Variants in ADGRB1 observed in about 807,000 individuals in gnomAD.
ADGRB1 encodes adhesion G protein-coupled receptor B1.
A neutral mutation model predicts 175.7 loss-of-function variants in ADGRB1; 36 were observed. The ratio of observed to expected loss-of-function variants is 0.20; its 90% confidence interval spans 0.16 to 0.27. ADGRB1 has a LOEUF of 0.27. ADGRB1 is among the 10% of genes least tolerant of loss of function. The pLI is 1.00. For missense variants in ADGRB1, 1,731 were observed against 2,255.3 expected, an observed-to-expected ratio of 0.77 and a Z score of 4.71; for synonymous variants, 1,054 against 979.4, an observed-to-expected ratio of 1.08 and a Z score of -1.42.
At chr8:142,512,416 G>A (rs193293547) in intron 18 of ADGRB1, among the ~76,000 whole-genome samples, 64 of 152,284 alleles carry the variant, frequency 4.2e-4, no homozygotes, top group Admixed American at 9.8e-4. Flanking sequence ...GGGCCCCTTC[G>A]AAGCTGGACC....
chr8:142,518,816 G>A (rs1843598255), intron 19 of ADGRB1, among the ~76,000 whole-genome samples: 2 of 152,238 alleles, frequency 1.3e-5, no homozygotes, highest in Admixed American at 6.5e-5. Flanking sequence ...GTCCCATTGA[G>A]TAGAAGTGTG....
chr8:142,491,763 G>A (rs989827978), intron 17 of ADGRB1, among the ~76,000 whole-genome samples: 1 of 152,210 alleles, frequency 6.6e-6, no homozygotes, highest in East Asian at 1.9e-4. Context: ...CGGGCCGAGT[G>A]TGTGCGGTCA....
intron 17 of ADGRB1, among the ~76,000 whole-genome samples, chr8:142,506,267 G>A (rs1842847950): frequency 6.6e-6 from 1 of 152,190 alleles, no homozygotes; most frequent in Non-Finnish European, 1.5e-5. Context: ...ACCTGTCATG[G>A]GGCCCTATCT....
At chr8:142,452,031 G>C (rs1482480104) in intron 1 of ADGRB1, among the ~76,000 whole-genome samples, 1 of 152,210 alleles carries the variant, frequency 6.6e-6, no homozygotes, top group Non-Finnish European at 1.5e-5. Context: ...CCTTGGAAGG[G>C]GGTGTGCGCA....
At position 142,510,895 on chromosome 8, in the gene ADGRB1, T is replaced by TCCGCCTGTCTCCCTCCCGTGTC. The variant is rs1843064434; in HGVS notation, c.2676-31_2676-10dup. The TCCGCCTGTCTCCCTCCCGTGTC allele has an allele frequency of 2.9e-6, 3 of 1,040,374 alleles. No homozygotes were observed. In the African/African-American group the frequency reaches 5.2e-5, roughly 18 times the overall value. 64.4% of individuals were successfully genotyped at this position (1,040,374 alleles called of 1,614,324 possible). ...CCCGCGTCCCCGCCGCCGCTGACGC[T>TCCGCCTGTCTCCCTCCCGTGTC]CCGCCTGTCTCCCTCCCGTGTCCCG... On this transcript the variant is annotated intron_variant, in intron 17 of 30. Transcript: ENST00000517894. This position sits in a 1 kb window ranked among gnomAD's most constrained non-coding sequence, Gnocchi z 6.3.
chr8:142,469,938 G>T (rs1463151509), intron 2 of ADGRB1, among the ~76,000 whole-genome samples: 1 of 152,224 alleles, frequency 6.6e-6, no homozygotes, highest in Non-Finnish European at 1.5e-5. Context: ...CTCGCTGTGG[G>T]ACCTGGGGAC....
chr8:142,455,792 C>T lies in ADGRB1; in HGVS notation c.-220+5688C>T, dbSNP rs746386385. Among the ~76,000 whole-genome samples the T allele has an allele frequency of 1.5e-4, 23 of 152,128 alleles. No homozygotes were observed. Among genetic ancestry groups the T allele is most frequent in the Non-Finnish European group, 3.1e-4 (21 of 68,018 alleles). ...GCTGGGCACTGGCCTGGGTGCAAGG[C>T]GGGGAAGGAGGCTTCCAAAGCCCAC... On this transcript the variant is annotated intron_variant, in intron 1 of 30. Transcript: ENST00000517894. This position sits in a 1 kb window ranked among gnomAD's most constrained non-coding sequence, Gnocchi z 4.9.
In ADGRB1 at chr8:142,533,296, GCCT is replaced by G; in HGVS notation, c.3403_3405del (p.Ser1135del). 1 of 1,525,550 alleles carries G rather than the reference GCCT, an allele frequency of 6.6e-7. No individual in the cohort carries two copies. The highest frequency in any genetic ancestry group is 1.4e-5 in the African/African-American group (1 of 73,316). 94.5% of individuals were successfully genotyped at this position (1,525,550 alleles called of 1,614,324 possible). The stretch of plus-strand genomic sequence containing the variant: ...AGCGCTGACACCCTCCATCCCCAGG[GCCT>G]CCCTGTGGAGCTCCTGCGTGGTGCT... On this transcript the variant is annotated inframe_deletion and splice_region_variant, in exon 25 of 31. Coordinates refer to ENST00000517894, the MANE Select transcript of ADGRB1 (RefSeq NM_001702.3).
chr8:142,516,195 G>T (rs1843407710), intron 18 of ADGRB1, among the ~76,000 whole-genome samples: 1 of 150,336 alleles, frequency 6.7e-6, no homozygotes. Flanking sequence ...GTGTGTGGGG[G>T]CCCCAGGTGC....
intron 24 of ADGRB1, among the ~76,000 whole-genome samples, chr8:142,528,609 G>A (rs551445630): frequency 2.0e-5 from 3 of 151,968 alleles, no homozygotes; most frequent in East Asian, 1.9e-4. Context: ...CCTCTCTGCC[G>A]CCGATGCCAC....
chr8:142,521,726 A>G (rs1251084658), intron 20 of ADGRB1, among the ~76,000 whole-genome samples: 1 of 152,212 alleles, frequency 6.6e-6, no homozygotes, highest in Non-Finnish European at 1.5e-5. Context: ...GTGGCTATGA[A>G]TGGTGCTGAG....
chr8:142,481,477 C>T lies in ADGRB1; in HGVS notation c.1936-40C>T, dbSNP rs917926631. 2.5e-6 allele frequency: 4 copies of T among 1,575,414 alleles called. No individual in the cohort carries two copies. The Admixed American group carries it at 5.4e-5, about 21-fold the overall frequency. The stretch of plus-strand genomic sequence containing the variant: ...TCCTGGGTGGCTGCCTGGACATGTT[C>T]CACAGAGGTGAAGGCACCCGCCCTC... On this transcript the variant is annotated intron_variant, in intron 10 of 30. Transcript: ENST00000517894.
intron 24 of ADGRB1, 133 bp from the exon 25 acceptor site, chr8:142,533,162 G>A (rs1563748571): frequency 9.6e-7 from 1 of 1,043,588 alleles, no homozygotes; most frequent in Non-Finnish European, 1.3e-6. Flanking sequence ...AGGGCTGCTT[G>A]GCCCAGGCCC....
intron 1 of ADGRB1, among the ~76,000 whole-genome samples, chr8:142,451,773 G>A (rs1206717428): frequency 1.3e-5 from 2 of 152,122 alleles, no homozygotes; most frequent in Non-Finnish European, 2.9e-5. Context: ...GGTGGTATAC[G>A]GTGTGTGGGG....
intron 2 of ADGRB1, among the ~76,000 whole-genome samples, chr8:142,469,008 C>G (rs533040348): frequency 1.3e-5 from 2 of 152,350 alleles, no homozygotes; most frequent in East Asian, 1.9e-4. Context: ...CAGGCACAGA[C>G]ATGTTAAGGC....
intron 18 of ADGRB1, among the ~76,000 whole-genome samples, chr8:142,515,580 G>A (rs974548948): frequency 2.0e-5 from 3 of 152,228 alleles, no homozygotes; most frequent in East Asian, 1.9e-4. Flanking sequence ...GACCTTTGTG[G>A]CCAGCCGGCC....
chr8:142,459,949 G>A (rs1839888200), intron 1 of ADGRB1, among the ~76,000 whole-genome samples: 2 of 152,210 alleles, frequency 1.3e-5, no homozygotes, highest in South Asian at 4.1e-4. Context: ...GACGCCTCCT[G>A]GATGCCACCC....
At chr8:142,513,858 G>A (rs989033137) in intron 18 of ADGRB1, among the ~76,000 whole-genome samples, 1 of 152,230 alleles carries the variant, frequency 6.6e-6, no homozygotes, top group South Asian at 2.1e-4. Context: ...AGGCAGGAGA[G>A]GCAGAGAGAC....
chr8:142,527,994 C>T (rs545496193), intron 24 of ADGRB1, among the ~76,000 whole-genome samples: 14 of 152,204 alleles, frequency 9.2e-5, no homozygotes, highest in Non-Finnish European at 1.0e-4. Flanking sequence ...GGGCCAGCTG[C>T]GTTAGGTGCA....
Sources: allele counts gnomAD v4.1 joint callset (sites outside exome capture counted in the v4.1 genomes callset), GRCh38; gene constraint gnomAD v4.1.1; non-coding constraint Gnocchi (gnomAD v3.1); transcripts MANE v1.5; gene names NCBI Gene and HGNC (gene_info 2026-07-23, HGNC 2026-07-21).